PBRM1: variants seen among roughly 807,000 people sequenced by gnomAD.
PBRM1 encodes protein polybromo-1.
PBRM1 carries 27 observed loss-of-function variants against 194.5 expected under a neutral mutation model. The ratio of observed to expected loss-of-function variants is 0.14; its 90% CI spans 0.10 to 0.19. The LOEUF is 0.19. Ranked by LOEUF, PBRM1 falls within the 10% of genes least tolerant of loss-of-function variation. The pLI is 1.00. For synonymous variants in PBRM1, 655 were observed against 693.2 expected, an observed-to-expected ratio of 0.94 and a Z score of 0.87; for missense variants, 1,466 against 2,077.2, an observed-to-expected ratio of 0.71 and a Z score of 5.72.
At chr3:52,603,959 T>C (rs905923220) in intron 16 of PBRM1, among the ~76,000 whole-genome samples, 1 of 152,212 alleles carries the variant, frequency 6.6e-6, no homozygotes. Flanking sequence ...TCACTTCTTG[T>C]ACAGCTCATG....
downstream of PBRM1, chr3:52,547,808 C>T (rs536819406): frequency 5.7e-5 from 21 of 369,670 alleles, no homozygotes; most frequent in African/African-American, 4.0e-4. Context: ...CATATACAAC[C>T]AATTATGAAA....
intron 13 of PBRM1, among the ~76,000 whole-genome samples, chr3:52,622,732 C>T (rs547985211): frequency 6.6e-6 from 1 of 152,330 alleles, no homozygotes; most frequent in Admixed American, 6.5e-5. Flanking sequence ...AGCCCTTCTA[C>T]ATCCTGTTTT....
chr3:52,661,318 C>A (rs2096720512), intron 4 of PBRM1, among the ~76,000 whole-genome samples: 1 of 152,220 alleles, frequency 6.6e-6, no homozygotes, highest in African/African-American at 2.4e-5. Context: ...AGCCACCTCG[C>A]CTGGCCATGA....
intron 11 of PBRM1, among the ~76,000 whole-genome samples, chr3:52,630,376 A>AATAATT (rs1457936361): frequency 2.0e-5 from 3 of 152,190 alleles, no homozygotes; most frequent in African/African-American, 4.8e-5. Context: ...TGTACAATAT[A>AATAATT]GTAGCCACTA....
intron 15 of PBRM1, among the ~76,000 whole-genome samples, chr3:52,610,576 GGTATATCTTCAAACACTAGACA>G (rs1234681286): frequency 6.6e-6 from 1 of 152,142 alleles, no homozygotes; most frequent in African/African-American, 2.4e-5. Flanking sequence ...TTCCCAGTCT[GGTATATCTTCAAACACTAGACA>G]GTAAAGAATC....
intron 4 of PBRM1, among the ~76,000 whole-genome samples, chr3:52,659,155 C>T (rs1165552173): frequency 6.6e-6 from 1 of 152,170 alleles, no homozygotes; most frequent in African/African-American, 2.4e-5. Flanking sequence ...GTTCTTTAGA[C>T]CCACTGGTTT....
intron 2 of PBRM1, among the ~76,000 whole-genome samples, chr3:52,677,298 C>G (rs2097126697): frequency 1.3e-5 from 2 of 152,098 alleles, no homozygotes; most frequent in Non-Finnish European, 2.9e-5. Context: ...GGCTGGAATA[C>G]AGTGGCGGGA....
intron 22 of PBRM1, among the ~76,000 whole-genome samples, chr3:52,565,777 G>A (rs1229193575): frequency 2.0e-5 from 3 of 152,078 alleles, no homozygotes; most frequent in African/African-American, 7.2e-5. Context: ...TTAGCCAGGC[G>A]CAGTGGCTCA....
intron 25 of PBRM1, chr3:52,560,837 GAA>G (rs930288284): frequency 1.3e-5 from 2 of 149,884 alleles, no homozygotes; most frequent in Non-Finnish European, 1.5e-5. Flanking sequence ...TTTTTTTAAA[GAA>G]GTTTCTTTGG....
At position 52,646,824 on chromosome 3, in the gene PBRM1, G is replaced by C. The variant is rs115421433; in HGVS notation, c.813+1520C>G. On this transcript the variant is annotated intron_variant, in intron 7 of 29. Transcript: ENST00000296302. ...ATAAACTTCTTACAAGAAAACATAG[G>C]TGTAAATCTTTGTGATTTTGGATTA... Among the ~76,000 whole-genome samples the C allele has an allele frequency of 7.4e-3, 1,123 of 152,138 alleles. 6 individuals are homozygous for C. The highest frequency in any genetic ancestry group is 0.014 in the Middle Eastern group (4 of 294).
rs752396114 is a variant in PBRM1, at chr3:52,648,313, AAACAACAACAAC to A, written c.813+19_813+30del. 1 of 1,253,270 alleles carries A rather than the reference AAACAACAACAAC, an allele frequency of 8.0e-7. No individual in the cohort carries two copies. Among genetic ancestry groups the A allele is most frequent in the Non-Finnish European group, 1.2e-6 (1 of 869,364 alleles). The allele number at this position is 1,253,270 out of a possible 1,614,324, so 77.6% of individuals were successfully genotyped here. A position where few individuals can be genotyped will look rare whatever the true frequency, so the allele number is the denominator to read the frequency against. The stretch of plus-strand genomic sequence containing the variant: ...TTAAATTATCTACTATTACCAAGGA[AAACAACAACAAC>A]AACAACAACAAAACTAACCTTGAAT... On this transcript the variant is annotated intron_variant, in intron 7 of 29. Coordinates refer to ENST00000296302, the Ensembl canonical transcript of PBRM1.
chr3:52,566,396 G>A (rs1180568986), intron 22 of PBRM1, among the ~76,000 whole-genome samples: 1 of 152,066 alleles, frequency 6.6e-6, no homozygotes, highest in Admixed American at 6.6e-5. Context: ...GGTAAGAGCA[G>A]TTTTACTCAC....
In PBRM1 at chr3:52,609,714, G is replaced by A; in HGVS notation, c.2166C>T (p.Asp722=). The A allele has an allele frequency of 6.2e-7, 1 of 1,612,026 alleles. No homozygotes were observed. The highest frequency in any genetic ancestry group is 8.5e-7 in the Non-Finnish European group (1 of 1,179,278). The change falls in exon 16 of 30, where the codon GAC becomes GAT. Residue 722 remains aspartate, a synonymous_variant. Transcript: ENST00000296302. The surrounding 1 kb of genome is among the most constrained non-coding windows in gnomAD (Gnocchi z 4.1). Reference sequence around the variant, plus strand: ...TCATGACAAAGTCCTCAACCATAGAGTCAATATCTTGGTACTTGTTGGCCA... The same window carrying A: ...TCATGACAAAGTCCTCAACCATAGAATCAATATCTTGGTACTTGTTGGCCA...
At chr3:52,618,626 C>T (rs1352741726) in intron 13 of PBRM1, among the ~76,000 whole-genome samples, 4 of 145,580 alleles carry the variant, frequency 2.7e-5, no homozygotes, top group Non-Finnish European at 6.0e-5. Flanking sequence ...TGGAGTTCCG[C>T]TCTTGTTGCC....
chr3:52,649,775 A>G (rs909545639), intron 6 of PBRM1, among the ~76,000 whole-genome samples: 1 of 152,224 alleles, frequency 6.6e-6, no homozygotes, highest in Non-Finnish European at 1.5e-5. Context: ...AGAAAGGACT[A>G]GAAAGTTTTT....
chr3:52,591,825 T>TC (rs945467573), intron 17 of PBRM1, among the ~76,000 whole-genome samples: 2 of 142,816 alleles, frequency 1.4e-5, no homozygotes, highest in African/African-American at 2.6e-5. Flanking sequence ...GCCTTTTTTT[T>TC]TTTTTTTTTT....
At chr3:52,643,476 C>T in intron 8 of PBRM1, 133 bp from the exon 10 acceptor site, 1 of 644,994 alleles carries the variant, frequency 1.6e-6, no homozygotes, top group South Asian at 1.8e-5. Context: ...TTCTACTATG[C>T]AGCAGACTCT....
chr3:52,562,326 CAAA>C (rs11295230), intron 24 of PBRM1, among the ~76,000 whole-genome samples: 38 of 122,280 alleles, frequency 3.1e-4, no homozygotes, highest in South Asian at 5.4e-4. Flanking sequence ...GACTCTGTCT[CAAA>C]AAAAAAAAAA....
chr3:52,647,337 G>A (rs147794613), intron 7 of PBRM1, among the ~76,000 whole-genome samples: 1 of 144,908 alleles, frequency 6.9e-6, no homozygotes, highest in South Asian at 2.3e-4. Context: ...AAATGGTAGA[G>A]TTTGGAAAAC....
Sources: allele counts gnomAD v4.1 joint callset (sites outside exome capture counted in the v4.1 genomes callset), GRCh38; gene constraint gnomAD v4.1.1; non-coding constraint Gnocchi (gnomAD v3.1); transcripts MANE v1.5; gene names NCBI Gene and HGNC (gene_info 2026-07-23, HGNC 2026-07-21).